Variants in FBXO8 observed in about 807,000 individuals in gnomAD.
FBXO8 encodes F-box only protein 8.
FBXO8 carries 15 observed loss-of-function variants against 33.4 expected under a neutral mutation model. The ratio of observed to expected loss-of-function variants is 0.45; its 90% CI spans 0.30 to 0.69. FBXO8 has a LOEUF of 0.69. FBXO8 is among the 30% of genes least tolerant of loss of function. FBXO8 has a pLI of 0.08. For missense variants in FBXO8, 274 were observed against 380.3 expected, an observed-to-expected ratio of 0.72 and a Z score of 2.32; for synonymous variants, 132 against 131.5, an observed-to-expected ratio of 1.00 and a Z score of -0.02.
At position 174,278,702 on chromosome 4, in the gene FBXO8, C is replaced by T. The variant is rs1388978302; in HGVS notation, c.-9+4708G>A. 6.6e-6 allele frequency among the ~76,000 whole-genome samples: 1 copy of T among 152,020 alleles called. No individual in the cohort carries two copies. The highest frequency in any genetic ancestry group is 1.5e-5 in the Non-Finnish European group (1 of 67,926). On this transcript the variant is annotated intron_variant, in intron 1 of 5. Coordinates refer to ENST00000393674, the MANE Select transcript of FBXO8 (RefSeq NM_012180.3). The surrounding 1 kb of genome is among the most constrained non-coding windows in gnomAD (Gnocchi z 4.1). ...TTCTCAGTATACACATACTCACCTG[C>T]CCACTAACCACAAAGGCCATTGCTA... is the stretch of plus-strand genomic sequence containing the variant.
Position 174,237,345 on chromosome 4 carries a change from C to T in FBXO8, c.*67G>A, listed in dbSNP as rs982581705. The T allele has an allele frequency of 4.0e-5, 55 of 1,358,112 alleles. No homozygotes were observed. The East Asian group carries it at 1.1e-3, about 26-fold the overall frequency. The allele number at this position is 1,358,112 out of a possible 1,614,324, so 84.1% of individuals were successfully genotyped here. On this transcript the variant is annotated 3_prime_UTR_variant, in exon 6 of 6. Coordinates refer to ENST00000393674, the MANE Select transcript of FBXO8 (RefSeq NM_012180.3). The surrounding 1 kb of genome is among the most constrained non-coding windows in gnomAD (Gnocchi z 4.4). ...CAATGACCAGCACTGATGTAACCCCCATATCTGCTAAGTCCTTGGGTAGCT... is the reference window on the plus strand; with the variant it reads ...CAATGACCAGCACTGATGTAACCCCTATATCTGCTAAGTCCTTGGGTAGCT...
intron 1 of FBXO8, among the ~76,000 whole-genome samples, chr4:174,271,745 C>T (rs1490192272): frequency 7.2e-5 from 11 of 152,164 alleles, no homozygotes; most frequent in Non-Finnish European, 1.5e-4. Flanking sequence ...TTCTTATTGC[C>T]TCAAAGATCC....
intron 1 of FBXO8, among the ~76,000 whole-genome samples, chr4:174,269,544 G>C (rs1442984108): frequency 1.3e-5 from 2 of 151,964 alleles, no homozygotes; most frequent in Non-Finnish European, 2.9e-5. Context: ...AATTAGCCTG[G>C]CATTGTGGTG....
In FBXO8 at chr4:174,237,590, T is replaced by G. The variant is rs1169939904; in HGVS notation, c.782A>C (p.Tyr261Ser). 1.9e-6 allele frequency: 3 copies of G among 1,594,462 alleles called. No homozygotes were observed. Among genetic ancestry groups the G allele is most frequent in the South Asian group, 2.2e-5 (2 of 89,158 alleles). Residue 261 changes from tyrosine (Y) to serine (S), a missense_variant, in exon 6 of 6, where the codon TAT becomes TCT. Tyr to Ser is a moderately radical substitution (Grantham distance 144). Coordinates refer to ENST00000393674, the MANE Select transcript of FBXO8 (RefSeq NM_012180.3). This position sits in a 1 kb window ranked among gnomAD's most constrained non-coding sequence, Gnocchi z 4.4. ...TAGAATCAAAGAGTAGCACAGTACA[T>G]AGACAGCATCTGGAAAGAAAAAGAA... The part of the protein sequence containing the change: ...RELGLSPDAV[Y>S]VLCYSLILLS...
At position 174,256,166 on chromosome 4, in the gene FBXO8, A is replaced by G. The variant is rs1480030219; in HGVS notation, c.456+3533T>C. The G allele has an allele frequency of 2.2e-6, 1 of 454,566 alleles. No homozygotes were observed. Among genetic ancestry groups the G allele is most frequent in the Non-Finnish European group, 4.4e-6 (1 of 226,508 alleles). The allele number at this position is 454,566 out of a possible 1,614,324, so 28.2% of individuals were successfully genotyped here. On this transcript the variant is annotated intron_variant, in intron 3 of 5. Transcript: ENST00000393674. The surrounding 1 kb of genome is among the most constrained non-coding windows in gnomAD (Gnocchi z 4.6). ...TGTGGCTGTAAGTATTCTTATTTTT[A>G]TAATATTTTAATGATGTTTGCTATC...
At position 174,261,799 on chromosome 4, in the gene FBXO8, G is replaced by A. The variant is rs559557501; in HGVS notation, c.329+965C>T. Among the ~76,000 whole-genome samples, 1 of 152,108 alleles carries A rather than the reference G, an allele frequency of 6.6e-6. No homozygotes were observed. The highest frequency in any genetic ancestry group is 2.1e-4 in the South Asian group (1 of 4,826). ...TTACTGAAAATATATTTTGACTAAA[G>A]TTTGTAATTTATTAAGTCTCTCAAT... On this transcript the variant is annotated intron_variant, in intron 2 of 5. Transcript: ENST00000393674. This position sits in a 1 kb window ranked among gnomAD's most constrained non-coding sequence, Gnocchi z 4.1.
rs1392200001 is a variant in FBXO8, at chr4:174,239,233, C to T, written c.576-43G>A. ...GGCACAGCTTTGGTTAACTTTTCTT[C>T]ATTAAAAAAATGGTAAGAAAAATAA... is the stretch of plus-strand genomic sequence containing the variant. On this transcript the variant is annotated intron_variant, in intron 4 of 5. Coordinates refer to ENST00000393674, the MANE Select transcript of FBXO8 (RefSeq NM_012180.3). 2.2e-6 allele frequency: 3 copies of T among 1,346,078 alleles called. No individual in the cohort carries two copies. In the Admixed American group the frequency reaches 8.1e-5, roughly 36 times the overall value. The allele number at this position is 1,346,078 out of a possible 1,614,324, so 83.4% of individuals were successfully genotyped here. A position where few individuals can be genotyped will look rare whatever the true frequency, so the allele number is the denominator to read the frequency against.
Position 174,263,713 on chromosome 4 carries a change from A to C in FBXO8, c.-8-613T>G, listed in dbSNP as rs1736625034. On this transcript the variant is annotated intron_variant, in intron 1 of 5. Coordinates refer to ENST00000393674, the MANE Select transcript of FBXO8 (RefSeq NM_012180.3). This position sits in a 1 kb window ranked among gnomAD's most constrained non-coding sequence, Gnocchi z 4.2. ...ACTCCATGATAAATAGCTCGGTAACAGTAGACTATTTAGTTTTGTTGTTGC... is the reference window on the plus strand; with the variant it reads ...ACTCCATGATAAATAGCTCGGTAACCGTAGACTATTTAGTTTTGTTGTTGC... Among the ~76,000 whole-genome samples, 1 of 152,206 alleles carries C rather than the reference A, an allele frequency of 6.6e-6. No individual in the cohort carries two copies. Among genetic ancestry groups the C allele is most frequent in the Non-Finnish European group, 1.5e-5 (1 of 68,026 alleles).
rs535638167 is a variant in FBXO8 at position 174,252,462 on chromosome 4, T to C, written c.456+7237A>G. 2.0e-5 allele frequency among the ~76,000 whole-genome samples: 3 copies of C among 152,290 alleles called. No individual in the cohort carries two copies. The highest frequency in any genetic ancestry group is 3.9e-4 in the East Asian group (2 of 5,190). On this transcript the variant is annotated intron_variant, in intron 3 of 5. Transcript: ENST00000393674. The surrounding 1 kb of genome is among the most constrained non-coding windows in gnomAD (Gnocchi z 5.1). ...TGTATAACAAGAAGTTCCAAACTAA[T>C]ATGGCTCCAGGTTGTTGGGCTCACA...
At position 174,245,748 on chromosome 4, in the gene FBXO8, A is replaced by G. The variant is rs968837449; in HGVS notation, c.457-4530T>C. On this transcript the variant is annotated intron_variant, in intron 3 of 5. Coordinates refer to ENST00000393674, the MANE Select transcript of FBXO8 (RefSeq NM_012180.3). The surrounding 1 kb of genome is among the most constrained non-coding windows in gnomAD (Gnocchi z 4.6). ...ACTTAAAAAATAAAAATAAATAGAT[A>G]GCGGGCTATACAACTGTATATGTTA... Among the ~76,000 whole-genome samples, 1 of 151,872 alleles carries G rather than the reference A, an allele frequency of 6.6e-6. No homozygotes were observed. Among genetic ancestry groups the G allele is most frequent in the Non-Finnish European group, 1.5e-5 (1 of 67,952 alleles).
chr4:174,271,912 G>A (rs1008363122), intron 1 of FBXO8, among the ~76,000 whole-genome samples: 1 of 152,050 alleles, frequency 6.6e-6, no homozygotes, highest in Non-Finnish European at 1.5e-5. Context: ...TTTACCTATA[G>A]GAGGTACTCA....
In FBXO8 at chr4:174,253,813, T is replaced by C. The variant is rs1286572663; in HGVS notation, c.456+5886A>G. On this transcript the variant is annotated intron_variant, in intron 3 of 5. Transcript: ENST00000393674. The surrounding 1 kb of genome is among the most constrained non-coding windows in gnomAD (Gnocchi z 4.5). ...CAAAAAGATTTTTCTCCCTAATAAG[T>C]ATAAGGAATATGAGGAGAAAGCTTC... 2.0e-5 allele frequency among the ~76,000 whole-genome samples: 3 copies of C among 152,196 alleles called. No homozygotes were observed. Among genetic ancestry groups the C allele is most frequent in the Admixed American group, 1.3e-4 (2 of 15,274 alleles).
Position 174,237,602 on chromosome 4 carries a change from G to A in FBXO8, c.773-3C>T, listed in dbSNP as rs115274413. ...GTAGCACAGTACATAGACAGCATCT[G>A]GAAAGAAAAAGAAACAGTTCAAATT... On this transcript the variant is annotated splice_region_variant and splice_polypyrimidine_tract_variant and intron_variant, in intron 5 of 5. Coordinates refer to ENST00000393674, the MANE Select transcript of FBXO8 (RefSeq NM_012180.3). This position sits in a 1 kb window ranked among gnomAD's most constrained non-coding sequence, Gnocchi z 4.4. 1.6e-3 allele frequency: 2,564 copies of A among 1,580,840 alleles called. 44 individuals are homozygous for A. In the African/African-American group the frequency reaches 0.032, roughly 20 times the overall value.
chr4:174,261,863 A>G lies in FBXO8; in HGVS notation c.329+901T>C, dbSNP rs1233934596. Among the ~76,000 whole-genome samples the G allele has an allele frequency of 6.6e-6, 1 of 152,060 alleles. No homozygotes were observed. The highest frequency in any genetic ancestry group is 2.4e-5 in the African/African-American group (1 of 41,438). Reference sequence around the variant, plus strand: ...TGAAATTATAGGAAGTCTTAAAAAGATATTTGTTTTTAGTTATAGTCTATA... The same window carrying G: ...TGAAATTATAGGAAGTCTTAAAAAGGTATTTGTTTTTAGTTATAGTCTATA... On this transcript the variant is annotated intron_variant, in intron 2 of 5. Coordinates refer to ENST00000393674, the MANE Select transcript of FBXO8 (RefSeq NM_012180.3). The surrounding 1 kb of genome is among the most constrained non-coding windows in gnomAD (Gnocchi z 4.1).
In FBXO8 at chr4:174,281,304, A is replaced by G. The variant is rs1181205375; in HGVS notation, c.-9+2106T>C. ...TCAAATAGCTTATGAATCCTATGCA[A>G]TCTATTCTTGAAAAATACACGAACT... On this transcript the variant is annotated intron_variant, in intron 1 of 5. Transcript: ENST00000393674. The surrounding 1 kb of genome is among the most constrained non-coding windows in gnomAD (Gnocchi z 4.6). Among the ~76,000 whole-genome samples, 1 of 152,160 alleles carries G rather than the reference A, an allele frequency of 6.6e-6. No individual in the cohort carries two copies. The highest frequency in any genetic ancestry group is 2.4e-5 in the African/African-American group (1 of 41,422).
rs113817901 is a variant in FBXO8, at chr4:174,281,325, G to A, written c.-9+2085C>T. On this transcript the variant is annotated intron_variant, in intron 1 of 5. Transcript: ENST00000393674. The surrounding 1 kb of genome is among the most constrained non-coding windows in gnomAD (Gnocchi z 4.6). ...TGCAATCTATTCTTGAAAAATACACGAACTGCTGACTAAATGGTTAAACTC... is the reference window on the plus strand; with the variant it reads ...TGCAATCTATTCTTGAAAAATACACAAACTGCTGACTAAATGGTTAAACTC... 2.0e-5 allele frequency among the ~76,000 whole-genome samples: 3 copies of A among 152,082 alleles called. No individual in the cohort carries two copies. Among genetic ancestry groups the A allele is most frequent in the South Asian group, 2.1e-4 (1 of 4,814 alleles).
chr4:174,244,417 T>C (rs1353776374), intron 3 of FBXO8, among the ~76,000 whole-genome samples: 2 of 151,686 alleles, frequency 1.3e-5, no homozygotes. Context: ...ATTTTGTTGT[T>C]GTTGTTGTTG....
At chr4:174,264,942 C>T (rs77614414) in intron 1 of FBXO8, among the ~76,000 whole-genome samples, 5 of 152,052 alleles carry the variant, frequency 3.3e-5, no homozygotes, top group Non-Finnish European at 7.4e-5. Flanking sequence ...AAATAATCCA[C>T]TTTAAAAATG....
At chr4:174,250,305 A>G (rs996726470) in intron 3 of FBXO8, among the ~76,000 whole-genome samples, 1 of 152,052 alleles carries the variant, frequency 6.6e-6, no homozygotes, top group African/African-American at 2.4e-5. Context: ...GACTTTCAAG[A>G]CATGCTGTAA....
Sources: gnomAD v4.1 joint callset for allele counts (sites outside exome capture counted in the v4.1 genomes callset) on GRCh38, gnomAD v4.1.1 for gene constraint, Gnocchi (gnomAD v3.1) non-coding constraint, MANE v1.5 for transcripts, NCBI Gene and HGNC (gene_info 2026-07-23, HGNC 2026-07-21) for gene names.